The following PPP1R3F variants were observed in gnomAD, a reference collection of about 807,000 sequenced individuals.
PPP1R3F encodes the protein protein phosphatase 1, regulatory (inhibitor) subunit 3F.
PPP1R3F carries 29 observed loss-of-function variants against 24.2 expected under a neutral mutation model. The ratio of observed to expected loss-of-function variants is 1.20; its 90% confidence interval spans 0.89 to 1.63. PPP1R3F has a LOEUF of 1.63. PPP1R3F is among the 40% of genes most tolerant of loss of function. The pLI, the probability that PPP1R3F is intolerant of heterozygous loss-of-function variation, is 0.00. For synonymous variants in PPP1R3F, 363 were observed against 340.1 expected, an observed-to-expected ratio of 1.07 and a Z score of -0.74; for missense variants, 823 against 729.3, an observed-to-expected ratio of 1.13 and a Z score of -1.48.
At chrX:49,291,042 A>G (rs782810348), downstream of PPP1R3F, among the ~76,000 whole-genome samples, 23 of 112,258 alleles carry the variant, frequency 2.0e-4, 1 homozygote, top group Non-Finnish European at 9.4e-5. Context: ...GCTGGAGTGC[A>G]GTGGCACAAT....
In PPP1R3F at chrX:49,270,530, G is replaced by A; in HGVS notation, c.661G>A (p.Gly221Arg). The change falls in exon 1 of 4, where the codon GGG becomes AGG. Residue 221 changes from glycine to arginine, a missense_variant. Transcript: ENST00000055335. ...TGAGDPILDP[G>R]LGLGPGQASA... ...AGCAGGAGATCCCATCCTGGATCCG[G>A]GGCTCGGCCTGGGTCCCGGCCAGGC... 1.7e-6 allele frequency: 2 copies of A among 1,205,329 alleles called. No individual in the cohort carries two copies. Among genetic ancestry groups the A allele is most frequent in the East Asian group, 3.0e-5 (1 of 33,797 alleles).
At chrX:49,290,769 G>A (rs781806469), downstream of PPP1R3F, among the ~76,000 whole-genome samples, 8 of 111,100 alleles carry the variant, frequency 7.2e-5, no homozygotes, top group Non-Finnish European at 7.6e-5. Flanking sequence ...CCCTTTGCTC[G>A]TCTGTCATCA....
At chrX:49,271,788 C>G (rs782690201) in intron 1 of PPP1R3F, among the ~76,000 whole-genome samples, 1 of 113,152 alleles carries the variant, frequency 8.8e-6, no homozygotes, top group Admixed American at 9.2e-5. Flanking sequence ...AGCAGAGAGA[C>G]AGAACCAGAT....
rs1189487624 is a variant in PPP1R3F at position 49,282,111 on chromosome X, C to T, written c.1143+48C>T. On this transcript the variant is annotated intron_variant, in intron 3 of 3. Transcript: ENST00000055335. ...GGAGTAGACAGCCCAATAGGAGGCT[C>T]ACAGTGTGACTATTGCTGGGCTGGG... 6.1e-6 allele frequency: 6 copies of T among 990,877 alleles called. No individual in the cohort carries two copies. The East Asian group carries it at 1.9e-4, about 31-fold the overall frequency. The allele number at this position is 990,877 out of a possible 1,213,427, so 81.7% of individuals were successfully genotyped here.
Position 49,270,409 on chromosome X carries a change from C to T in PPP1R3F, c.540C>T (p.His180=), listed in dbSNP as rs1557118821. 5.9e-6 allele frequency: 7 copies of T among 1,177,677 alleles called. No individual in the cohort carries two copies. Among genetic ancestry groups the T allele is most frequent in the African/African-American group, 3.5e-5 (2 of 56,888 alleles). Residue 180 remains histidine (H), a synonymous_variant, in exon 1 of 4, where the codon CAC becomes CAT. Coordinates refer to ENST00000055335, the MANE Select transcript of PPP1R3F (RefSeq NM_033215.5). ...ACCGCTCCTTCGAGAAGGCGGTGCA[C>T]GTGCGGGCCTCACACGACGGCTGGG... The part of the protein sequence containing the change: ...VLNRSFEKAV[H]VRASHDGWAS...
At chrX:49,297,828 C>CTTTTTTTTTT (rs61353822) in intron 3 of PPP1R3F, among the ~76,000 whole-genome samples, 26 of 19,614 alleles carry the variant, frequency 1.3e-3, no homozygotes, top group Non-Finnish European at 1.5e-3. Flanking sequence ...GCAACCCCTG[C>CTTTTTTTTTT]TTTTTTTTTT....
intron 3 of PPP1R3F, among the ~76,000 whole-genome samples, chrX:49,294,680 G>A (rs1436023895): frequency 9.2e-6 from 1 of 108,949 alleles, no homozygotes; most frequent in Non-Finnish European, 1.9e-5. Context: ...GAGGCTGAGG[G>A]GGGGTGGATC....
At chrX:49,293,750 C>A (rs1557122562) in intron 3 of PPP1R3F, among the ~76,000 whole-genome samples, 1 of 112,488 alleles carries the variant, frequency 8.9e-6, no homozygotes, top group Non-Finnish European at 1.9e-5. Context: ...AACCCCAGCA[C>A]TTTGGGAGGC....
chrX:49,270,105 C>T lies in PPP1R3F; in HGVS notation c.236C>T (p.Ala79Val). ...CAAGATGGCGGCGGCGGCGGCGGGG[C>T]CGACGAGGACGACGATGGCGAGGAT... ...AGQDGGGGGG[A>V]DEDDDGEDGD... The change falls in exon 1 of 4, where the codon GCC becomes GTC. Residue 79 changes from alanine to valine, a missense_variant. Transcript: ENST00000055335. 9.8e-7 allele frequency: 1 copy of T among 1,020,369 alleles called. No homozygotes were observed. 84.1% of individuals were successfully genotyped at this position (1,020,369 alleles called of 1,213,427 possible). A position where few individuals can be genotyped will look rare whatever the true frequency, so the allele number is the denominator to read the frequency against.
chrX:49,289,440 G>C (rs1484773552), downstream of PPP1R3F, among the ~76,000 whole-genome samples: 1 of 111,341 alleles, frequency 9.0e-6, no homozygotes, highest in Non-Finnish European at 1.9e-5. Context: ...ATAAATTGTG[G>C]TATATTCGCA....
At chrX:49,289,936 G>A (rs1484514356), downstream of PPP1R3F, among the ~76,000 whole-genome samples, 3 of 111,029 alleles carry the variant, frequency 2.7e-5, no homozygotes, top group African/African-American at 9.8e-5. Flanking sequence ...GGGCGTGGTG[G>A]TGGGCGCCTG....
At chrX:49,273,868 T>C (rs1487900117) in intron 1 of PPP1R3F, 1 of 112,556 alleles carries the variant, frequency 8.9e-6, no homozygotes, top group Non-Finnish European at 1.9e-5. Context: ...AAATGGCTGC[T>C]TTCCCTGGGT....
intron 3 of PPP1R3F, among the ~76,000 whole-genome samples, chrX:49,295,550 T>C (rs1454802525): frequency 2.5e-5 from 2 of 81,594 alleles, no homozygotes; most frequent in Non-Finnish European, 5.9e-5. Flanking sequence ...GGTAATATTA[T>C]GTTGAGGATT....
intron 1 of PPP1R3F, chrX:49,274,980 C>T (rs1384211849): frequency 9.1e-6 from 1 of 110,022 alleles, no homozygotes; most frequent in Non-Finnish European, 1.9e-5. Flanking sequence ...CATCAGTCAC[C>T]TTTTCTCTCC....
intron 3 of PPP1R3F, among the ~76,000 whole-genome samples, chrX:49,293,215 C>T (rs1230336086): frequency 1.8e-5 from 2 of 112,333 alleles, no homozygotes; most frequent in African/African-American, 6.5e-5. Flanking sequence ...GTCATTACAG[C>T]CATGTGTCAT....
At chrX:49,294,950 T>C (rs1451819477) in intron 3 of PPP1R3F, among the ~76,000 whole-genome samples, 1 of 107,567 alleles carries the variant, frequency 9.3e-6, no homozygotes, top group Non-Finnish European at 1.9e-5. Flanking sequence ...GTAGGTTTTT[T>C]TTTTTTTTTG....
At chrX:49,272,110 C>G (rs1045169171) in intron 1 of PPP1R3F, among the ~76,000 whole-genome samples, 1 of 112,181 alleles carries the variant, frequency 8.9e-6, no homozygotes. Context: ...AAGCCCCTGG[C>G]TGCAGTAAGA....
At chrX:49,291,335 TC>T (rs1557122364), downstream of PPP1R3F, among the ~76,000 whole-genome samples, 27 of 105,791 alleles carry the variant, frequency 2.6e-4, no homozygotes, top group South Asian at 4.5e-4. Context: ...TCTGTCTCTC[TC>T]CTTTCTTTCT....
rs1445821381 is a variant in PPP1R3F at position 49,287,344 on chromosome X, T to C, written c.*254T>C. 1 of 361,923 alleles carries C rather than the reference T, an allele frequency of 2.8e-6. No homozygotes were observed. The highest frequency in any genetic ancestry group is 4.7e-6 in the Non-Finnish European group (1 of 211,225). The allele number at this position is 361,923 out of a possible 1,213,427, so 29.8% of individuals were successfully genotyped here. On this transcript the variant is annotated 3_prime_UTR_variant, in exon 4 of 4. Transcript: ENST00000055335. ...CTACCCCCCGAGCCTGTATTTATTT[T>C]TGTATAATTCTCTGGATGAGGGAGA...
Sources: allele counts gnomAD v4.1 joint callset (sites outside exome capture counted in the v4.1 genomes callset), GRCh38; gene constraint gnomAD v4.1.1; transcripts MANE v1.5; gene names NCBI Gene and HGNC (gene_info 2026-07-23, HGNC 2026-07-21).